BCAS1: variants seen among roughly 807,000 people sequenced by gnomAD.
BCAS1 encodes the protein breast carcinoma-amplified sequence 1.
BCAS1 carries 46 observed loss-of-function variants against 65.4 expected under a neutral mutation model. That is an observed-to-expected ratio of 0.70 (90% CI 0.55 to 0.90). The LOEUF (loss-of-function observed/expected upper bound fraction) is 0.90. Among genes scored for constraint, BCAS1 ranks in the 40% least tolerant of loss-of-function variants. The pLI, the probability that BCAS1 is intolerant of heterozygous loss-of-function variation, is 0.00. For missense variants in BCAS1, 793 were observed against 771.2 expected (o/e 1.03, Z -0.33); for synonymous variants, 298 against 293.5 (o/e 1.02, Z -0.16).
chr20:54,027,975 C>T (rs6091808), intron 4 of BCAS1, among the ~76,000 whole-genome samples: 31,992 of 151,966 alleles, frequency 0.21, 3,419 homozygotes, highest in East Asian at 0.3. Flanking sequence ...CAGTAAGGGA[C>T]GAAATGTGTT....
At chr20:54,051,754 T>C (rs2092218012) in intron 3 of BCAS1, among the ~76,000 whole-genome samples, 1 of 149,656 alleles carries the variant, frequency 6.7e-6, no homozygotes, top group African/African-American at 2.5e-5. Flanking sequence ...GTTGTTGTTG[T>C]TGAGATGAGG....
intron 10 of BCAS1, among the ~76,000 whole-genome samples, chr20:53,963,083 C>G (rs2089929621): frequency 6.6e-6 from 1 of 151,482 alleles, no homozygotes; most frequent in South Asian, 2.1e-4. Flanking sequence ...ATCTCCTGAC[C>G]TCGTAATCCA....
At chr20:53,986,474 T>C (rs1371960880) in intron 7 of BCAS1, among the ~76,000 whole-genome samples, 2 of 151,708 alleles carry the variant, frequency 1.3e-5, no homozygotes, top group Non-Finnish European at 2.9e-5. Flanking sequence ...CCTAACCTCT[T>C]AATCCTAAAC....
intron 4 of BCAS1, among the ~76,000 whole-genome samples, chr20:54,006,694 A>T (rs1034492721): frequency 4.1e-5 from 6 of 145,230 alleles, no homozygotes; most frequent in African/African-American, 1.3e-4. Flanking sequence ...TGGGCGACAG[A>T]GTGAGACTCC....
Position 54,056,093 on chromosome 20 carries a change from T to C in BCAS1, c.142+1992A>G, listed in dbSNP as rs190148454. ...ACTTTCACTCATAAGATGAATAAGT[T>C]GCATGGTAAATATAAGTTAATAATA... is the stretch of plus-strand genomic sequence containing the variant. On this transcript the variant is annotated intron_variant, in intron 3 of 12. Transcript: ENST00000688948. Among the ~76,000 whole-genome samples the C allele has an allele frequency of 1.3e-3, 198 of 152,256 alleles. 1 individual carries two copies. The highest frequency in any genetic ancestry group is 1.6e-3 in the Non-Finnish European group (106 of 68,010).
At chr20:54,007,811 T>C (rs2091234196) in intron 4 of BCAS1, among the ~76,000 whole-genome samples, 2 of 152,236 alleles carry the variant, frequency 1.3e-5, no homozygotes, top group South Asian at 2.1e-4. Flanking sequence ...CCTGTTCCTC[T>C]CACCAAGGAC....
chr20:54,019,752 G>C (rs978004403), intron 4 of BCAS1, among the ~76,000 whole-genome samples: 7 of 152,318 alleles, frequency 4.6e-5, no homozygotes, highest in African/African-American at 1.7e-4. Flanking sequence ...GTCCTGTGCT[G>C]GATGCTTCCT....
Position 53,992,498 on chromosome 20 carries a change from A to G in BCAS1, c.1062+14T>C. On this transcript the variant is annotated intron_variant, in intron 7 of 12. Coordinates refer to ENST00000688948, the MANE Select transcript of BCAS1 (RefSeq NM_001366298.2). ...GAGTTCTTGTTTTTCCTCCTACTTTAATAAGATACAGACCTTATGCCTAAA... is the reference window on the plus strand; with the variant it reads ...GAGTTCTTGTTTTTCCTCCTACTTTGATAAGATACAGACCTTATGCCTAAA... The G allele has an allele frequency of 1.5e-6, 2 of 1,364,652 alleles. No homozygotes were observed. The highest frequency in any genetic ancestry group is 2.0e-6 in the Non-Finnish European group (2 of 1,021,070). The allele number at this position is 1,364,652 out of a possible 1,614,324, so 84.5% of individuals were successfully genotyped here.
intron 10 of BCAS1, among the ~76,000 whole-genome samples, chr20:53,966,035 T>G (rs1312396083): frequency 1.3e-5 from 2 of 152,180 alleles, no homozygotes; most frequent in African/African-American, 4.8e-5. Context: ...GGTGGGAATG[T>G]GAACTAGTAC....
At position 54,028,470 on chromosome 20, in the gene BCAS1, G is replaced by C; in HGVS notation, c.645C>G (p.Ala215=). 6.2e-7 allele frequency: 1 copy of C among 1,614,164 alleles called. No homozygotes were observed. Among genetic ancestry groups the C allele is most frequent in the Non-Finnish European group, 8.5e-7 (1 of 1,180,028 alleles). The change falls in exon 4 of 13, where the codon GCC becomes GCG. Residue 215 remains alanine (A), a synonymous_variant. Coordinates refer to ENST00000688948, the MANE Select transcript of BCAS1 (RefSeq NM_001366298.2). ...CCTTGTCTTGATGCTCTGCCCTCTT[G>C]GCTTCCTGTTGGCTGTCACCTGGCA... The part of the protein sequence containing the change: ...EKVPGDSQQE[A]KRAEHQDKVD...
intron 11 of BCAS1, among the ~76,000 whole-genome samples, chr20:53,956,755 A>G (rs1714668258): frequency 6.6e-6 from 1 of 152,158 alleles, no homozygotes; most frequent in Non-Finnish European, 1.5e-5. Context: ...TGTCAAAACT[A>G]CTAGAAGAAT....
At chr20:53,950,212 C>T (rs1306453503) in intron 12 of BCAS1, among the ~76,000 whole-genome samples, 5 of 152,152 alleles carry the variant, frequency 3.3e-5, no homozygotes, top group East Asian at 1.9e-4. Context: ...TCTCCCCCTA[C>T]CCTACCTCTC....
chr20:53,981,821 CGT>C (rs3831644), intron 8 of BCAS1, among the ~76,000 whole-genome samples: 33,563 of 150,070 alleles, frequency 0.22, 4,042 homozygotes, highest in East Asian at 0.5. Flanking sequence ...CATGTGCGTG[CGT>C]GTGTGTGTGT....
At chr20:54,009,270 A>G (rs2091271166) in intron 4 of BCAS1, among the ~76,000 whole-genome samples, 1 of 152,232 alleles carries the variant, frequency 6.6e-6, no homozygotes, top group Non-Finnish European at 1.5e-5. Context: ...TAATAATGAA[A>G]ACAAAAAGCC....
chr20:53,979,099 A>T (rs368163013), intron 8 of BCAS1, among the ~76,000 whole-genome samples: 10 of 152,280 alleles, frequency 6.6e-5, no homozygotes, highest in Admixed American at 1.3e-4. Flanking sequence ...CCTCATTTAC[A>T]TGGGAGTTGG....
intron 10 of BCAS1, 71 bp downstream of exon 10, chr20:53,966,835 G>C: frequency 7.1e-7 from 1 of 1,404,838 alleles, no homozygotes; most frequent in South Asian, 1.4e-5. Flanking sequence ...ACTACCTGTG[G>C]CATGAGCCCA....
chr20:54,026,945 G>T (rs1467818174), intron 4 of BCAS1, among the ~76,000 whole-genome samples: 1 of 152,174 alleles, frequency 6.6e-6, no homozygotes, highest in Non-Finnish European at 1.5e-5. Flanking sequence ...AACTCCACCA[G>T]GGCCGAGACT....
chr20:54,027,185 G>GA (rs1287996073), intron 4 of BCAS1, among the ~76,000 whole-genome samples: 4 of 152,316 alleles, frequency 2.6e-5, no homozygotes, highest in African/African-American at 7.2e-5. Context: ...AAAATGTATA[G>GA]AAAACACAAG....
intron 4 of BCAS1, among the ~76,000 whole-genome samples, chr20:54,014,017 C>G (rs1413886312): frequency 6.6e-6 from 1 of 152,048 alleles, no homozygotes; most frequent in Non-Finnish European, 1.5e-5. Context: ...AAGACTAAAG[C>G]AAAATATGCA....
Sources: gnomAD v4.1 joint callset for allele counts (sites outside exome capture counted in the v4.1 genomes callset) on GRCh38, gnomAD v4.1.1 for gene constraint, MANE v1.5 for transcripts, NCBI Gene and HGNC (gene_info 2026-07-23, HGNC 2026-07-21) for gene names.